Variants in PCDHA4 observed in about 807,000 individuals in gnomAD.
The protein encoded by PCDHA4 is protocadherin alpha 4, also known as protocadherin alpha-4.
A neutral mutation model predicts 61.4 loss-of-function variants in PCDHA4; 49 were observed. That is an observed-to-expected ratio of 0.80 (90% confidence interval 0.63 to 1.01). PCDHA4 has a LOEUF of 1.01. PCDHA4 is among the 50% of genes least tolerant of loss of function. PCDHA4 has a pLI of 0.00. For synonymous variants in PCDHA4, 590 were observed against 550.3 expected (o/e 1.07, Z -1.01); for missense variants, 1,254 against 1,235.8 (o/e 1.01, Z -0.22).
intron 1 of PCDHA4, chr5:140,882,698 G>C: frequency 1.2e-6 from 2 of 1,614,200 alleles, no homozygotes; most frequent in Non-Finnish European, 1.7e-6. Flanking sequence ...AATCATTGCA[G>C]AATCTAGACC....
chr5:140,993,631 G>A (rs1466996708), intron 3 of PCDHA4, among the ~76,000 whole-genome samples: 2 of 152,162 alleles, frequency 1.3e-5, no homozygotes, highest in African/African-American at 2.4e-5. Context: ...ATATATAGTC[G>A]TGTACCAAAT....
chr5:140,927,176 TGACCTAC>T (rs1285493810), intron 1 of PCDHA4: 5 of 1,614,156 alleles, frequency 3.1e-6, no homozygotes, highest in Non-Finnish European at 4.2e-6. Flanking sequence ...GCCTGCGTCT[TGACCTAC>T]GACCTGGTGC....
intron 1 of PCDHA4, chr5:140,884,310 G>C (rs1562802595): frequency 1.2e-6 from 2 of 1,613,792 alleles, no homozygotes; most frequent in African/African-American, 2.7e-5. Context: ...GCTTCGTCGA[G>C]GGCGTCGGCA....
chr5:140,999,406 G>C (rs1459713118), intron 3 of PCDHA4, among the ~76,000 whole-genome samples: 1 of 152,166 alleles, frequency 6.6e-6, no homozygotes, highest in Non-Finnish European at 1.5e-5. Context: ...GCATATGAAA[G>C]AATGGGAGCT....
chr5:140,869,873 A>C, intron 1 of PCDHA4: 8 of 1,610,644 alleles, frequency 5.0e-6, no homozygotes, highest in Non-Finnish European at 6.8e-6. Flanking sequence ...AATGCTGCTA[A>C]AGAAACTCTT....
Position 140,843,481 on chromosome 5 carries a change from G to A in PCDHA4, c.2385+33909G>A, listed in dbSNP as rs1554140132. ...TGCTCACGCTGCTGCTGTACACTGCGCTGCGGTGCTCAGCACTGCCCACTG... is the reference window on the plus strand; with the variant it reads ...TGCTCACGCTGCTGCTGTACACTGCACTGCGGTGCTCAGCACTGCCCACTG... On this transcript the variant is annotated intron_variant, in intron 1 of 3. Transcript: ENST00000530339. 3.1e-6 allele frequency: 5 copies of A among 1,595,902 alleles called. 1 individual carries two copies. The Admixed American group carries it at 8.4e-5, about 27-fold the overall frequency.
At position 140,807,520 on chromosome 5, in the gene PCDHA4, C is replaced by A. The variant is rs782091040; in HGVS notation, c.333C>A (p.Asp111Glu). ...GCATCCACCTGGAGGTGATCGTAGA[C>A]AGGCCGCTGCAGGTTTTCCATGTGG... ...ECSIHLEVIV[D>E]RPLQVFHVDV... Residue 111 changes from aspartate (D) to glutamate (E), a missense_variant, in exon 1 of 4, where the codon GAC becomes GAA. Physicochemically the swap from Asp to Glu is conservative, Grantham distance 45. Coordinates refer to ENST00000530339, the MANE Select transcript of PCDHA4 (RefSeq NM_018907.4). 1.2e-5 allele frequency: 19 copies of A among 1,613,978 alleles called. 1 individual carries two copies. The South Asian group carries it at 1.5e-4, about 13-fold the overall frequency.
At position 140,808,760 on chromosome 5, in the gene PCDHA4, C is replaced by A. The variant is rs1554124765; in HGVS notation, c.1573C>A (p.His525Asn). The change falls in exon 1 of 4, where the codon CAC becomes AAC. Residue 525 changes from histidine (H) to asparagine (N), a missense_variant. By Grantham distance (68) the His-to-Asn change is moderately conservative. Coordinates refer to ENST00000530339, the MANE Select transcript of PCDHA4 (RefSeq NM_018907.4). Reference protein sequence around the residue: ...GKVYALQPLDHEELELLQFQV... With the variant: ...GKVYALQPLDNEELELLQFQV... ...GGTGTACGCGCTGCAGCCGCTGGAC[C>A]ACGAGGAGCTAGAGCTGCTGCAGTT... is the stretch of plus-strand genomic sequence containing the variant. The A allele has an allele frequency of 1.2e-6, 2 of 1,612,324 alleles. No homozygotes were observed. The highest frequency in any genetic ancestry group is 2.2e-5 in the South Asian group (2 of 91,014).
chr5:140,875,738 G>T lies in PCDHA4; in HGVS notation c.2385+66166G>T, dbSNP rs1197047985. 12 of 1,614,086 alleles carry T rather than the reference G, an allele frequency of 7.4e-6. No homozygotes were observed. The highest frequency in any genetic ancestry group is 3.3e-5 in the Admixed American group (2 of 60,008). ...AATGGCATTTTGTTTGTGAATTCTC[G>T]GATCGACCGCGAGAAGCTGTGCGGG... On this transcript the variant is annotated intron_variant, in intron 1 of 3. Coordinates refer to ENST00000530339, the MANE Select transcript of PCDHA4 (RefSeq NM_018907.4).
At chr5:140,942,467 A>C (rs1428565418) in intron 1 of PCDHA4, among the ~76,000 whole-genome samples, 1 of 152,142 alleles carries the variant, frequency 6.6e-6, no homozygotes, top group Non-Finnish European at 1.5e-5. Context: ...AATACAATCA[A>C]ATTCAAGCTA....
intron 1 of PCDHA4, chr5:140,927,691 G>C (rs782046420): frequency 6.2e-7 from 1 of 1,614,072 alleles, no homozygotes; most frequent in African/African-American, 1.3e-5. Flanking sequence ...GTCCAATGGG[G>C]AAGTCCAGTA....
chr5:140,985,739 C>CTTTT (rs11372071), intron 3 of PCDHA4, among the ~76,000 whole-genome samples: 9 of 117,918 alleles, frequency 7.6e-5, no homozygotes, highest in East Asian at 2.5e-4. Flanking sequence ...TGATGAATTC[C>CTTTT]TTTTTTTTTT....
intron 1 of PCDHA4, chr5:140,967,964 G>T: frequency 6.2e-7 from 1 of 1,614,210 alleles, no homozygotes. Flanking sequence ...CAACCGGAAA[G>T]TGAGCCTGGG....
chr5:140,902,114 A>G (rs2069112413), intron 1 of PCDHA4, among the ~76,000 whole-genome samples: 1 of 151,286 alleles, frequency 6.6e-6, no homozygotes. Flanking sequence ...TTTTTTTAAA[A>G]CTGAGATTAT....
chr5:140,817,541 A>G (rs1766154895), intron 1 of PCDHA4: 1 of 152,236 alleles, frequency 6.6e-6, no homozygotes, highest in Non-Finnish European at 1.5e-5. Context: ...GTTGATTATA[A>G]CACACATCCT....
At chr5:140,875,606 T>C in intron 1 of PCDHA4, 4 of 1,613,864 alleles carry the variant, frequency 2.5e-6, no homozygotes, top group Middle Eastern at 3.4e-4. Flanking sequence ...GGCACCTTCG[T>C]GGGCCGCATC....
chr5:140,869,086 A>G (rs1554162467), intron 1 of PCDHA4: 1 of 1,584,176 alleles, frequency 6.3e-7, no homozygotes, highest in African/African-American at 1.4e-5. Context: ...CTTATTTTGG[A>G]AGCCAATTTC....
At position 140,845,310 on chromosome 5, in the gene PCDHA4, CAG is replaced by C. The variant is rs2150378304; in HGVS notation, c.2385+35739_2385+35740del. On this transcript the variant is annotated intron_variant, in intron 1 of 3. Transcript: ENST00000530339. ...ATCCTGTCTATGTCTACCTGGTTCT[CAG>C]GTATTACTTTAATTACTGAATTCTC... Among the ~76,000 whole-genome samples the C allele has an allele frequency of 4.5e-4, 68 of 149,506 alleles. 3 individuals carry two copies. The highest frequency in any genetic ancestry group is 6.9e-3 in the Middle Eastern group (2 of 290).
chr5:140,829,832 G>A, intron 1 of PCDHA4: 1 of 1,613,932 alleles, frequency 6.2e-7, no homozygotes, highest in Non-Finnish European at 8.5e-7. Flanking sequence ...GAGCGAGCTG[G>A]TGCCGCGGTC....
Sources: gnomAD v4.1 joint callset for allele counts (sites outside exome capture counted in the v4.1 genomes callset) on GRCh38, gnomAD v4.1.1 for gene constraint, MANE v1.5 for transcripts, NCBI Gene and HGNC (gene_info 2026-07-23, HGNC 2026-07-21) for gene names.